Variants in PTPRD observed in about 807,000 individuals in gnomAD.
PTPRD encodes receptor-type tyrosine-protein phosphatase delta.
Under a neutral mutation model 214.5 loss-of-function variants are expected in PTPRD, and 34 were observed. The ratio of observed to expected loss-of-function variants is 0.16; its 90% CI spans 0.12 to 0.21. The LOEUF is 0.21. Among genes scored for constraint, PTPRD ranks in the 10% least tolerant of loss-of-function variants. The pLI is 1.00. For missense variants in PTPRD, 2,545 were observed against 2,398.7 expected, an observed-to-expected ratio of 1.06 and a Z score of -1.27; for synonymous variants, 1,128 against 845.7, an observed-to-expected ratio of 1.33 and a Z score of -5.79.
intron 23 of PTPRD, among the ~76,000 whole-genome samples, chr9:8,503,751 A>T (rs1435846309): frequency 6.6e-6 from 1 of 152,234 alleles, no homozygotes; most frequent in Non-Finnish European, 1.5e-5. Context: ...CAGGTACTAC[A>T]CACAGAGTTA....
In PTPRD at chr9:9,814,741, A is replaced by G. The variant is rs189672400; in HGVS notation, c.-367-47890T>C. On this transcript the variant is annotated intron_variant, in intron 5 of 45. Coordinates refer to ENST00000381196, the MANE Select transcript of PTPRD (RefSeq NM_002839.4). ...CAATAGCATTTTTCACAGAAATAAA[A>G]AATACAATTCTAAAATGTATATGAA... is the stretch of plus-strand genomic sequence containing the variant. Among the ~76,000 whole-genome samples, 16 of 152,242 alleles carry G rather than the reference A, an allele frequency of 1.1e-4. No homozygotes were observed. The East Asian group carries it at 2.9e-3, about 28-fold the overall frequency.
Position 8,492,592 on chromosome 9 carries a change from T to A in PTPRD, c.2467+270A>T, listed in dbSNP as rs184842109. On this transcript the variant is annotated intron_variant, in intron 27 of 45. Transcript: ENST00000381196. ...GCTTCATCCCCAGTGCTGGTAACAG[T>A]GCCTGACACACAGAAGGTGCTCAAA... Among the ~76,000 whole-genome samples, 252 of 141,972 alleles carry A rather than the reference T, an allele frequency of 1.8e-3. 3 individuals carry two copies. The highest frequency in any genetic ancestry group is 6.5e-3 in the African/African-American group (242 of 37,420). 93.1% of individuals were successfully genotyped at this position (141,972 alleles called of 152,430 possible).
intron 44 of PTPRD, among the ~76,000 whole-genome samples, chr9:8,325,988 C>G (rs1410299760): frequency 6.6e-6 from 1 of 152,146 alleles, no homozygotes; most frequent in Non-Finnish European, 1.5e-5. Context: ...ATGGGGTTTT[C>G]TAAATATACA....
intron 2 of PTPRD, among the ~76,000 whole-genome samples, chr9:10,554,165 G>A (rs1262356190): frequency 1.3e-5 from 2 of 152,042 alleles, no homozygotes; most frequent in Admixed American, 1.3e-4. Context: ...AACCCTTTCT[G>A]CATGCCGTTA....
chr9:9,058,482 G>T (rs1293060348), intron 10 of PTPRD, among the ~76,000 whole-genome samples: 1 of 74,312 alleles, frequency 1.3e-5, no homozygotes, highest in Non-Finnish European at 2.9e-5. Context: ...ACGGAGTCTC[G>T]CTGTCGCCCA....
intron 3 of PTPRD, among the ~76,000 whole-genome samples, chr9:10,311,482 C>T (rs1242577504): frequency 1.3e-5 from 2 of 152,118 alleles, no homozygotes; most frequent in Admixed American, 6.6e-5. Context: ...ATTCAGTTCT[C>T]TCATCTACAA....
intron 5 of PTPRD, among the ~76,000 whole-genome samples, chr9:9,894,888 T>G (rs1166702712): frequency 6.6e-6 from 1 of 152,030 alleles, no homozygotes; most frequent in Non-Finnish European, 1.5e-5. Context: ...TGATTTTAAC[T>G]GTAAGAACAA....
intron 14 of PTPRD, among the ~76,000 whole-genome samples, 167 bp from the exon 15 acceptor site, chr9:8,528,946 A>G (rs1390347156): frequency 6.6e-6 from 1 of 152,156 alleles, no homozygotes; most frequent in Non-Finnish European, 1.5e-5. Context: ...ACTGATCAGA[A>G]GAGTAAACAC....
At chr9:9,818,377 A>G (rs552690334) in intron 5 of PTPRD, among the ~76,000 whole-genome samples, 1 of 152,270 alleles carries the variant, frequency 6.6e-6, no homozygotes, top group East Asian at 1.9e-4. Context: ...TCTTCTGCTC[A>G]TTAACCAAGC....
At chr9:8,936,672 C>T (rs1352262339) in intron 11 of PTPRD, among the ~76,000 whole-genome samples, 1 of 152,072 alleles carries the variant, frequency 6.6e-6, no homozygotes, top group Admixed American at 6.6e-5. Context: ...CTTAGTTTGC[C>T]TGTGGTAAAA....
chr9:9,698,206 A>G (rs2097420191), intron 7 of PTPRD, among the ~76,000 whole-genome samples: 1 of 151,952 alleles, frequency 6.6e-6, no homozygotes, highest in South Asian at 2.1e-4. Context: ...TTTCTTGTGG[A>G]GGTACACCTC....
chr9:10,135,507 C>A (rs1479381241), intron 3 of PTPRD, among the ~76,000 whole-genome samples: 1 of 152,166 alleles, frequency 6.6e-6, no homozygotes, highest in African/African-American at 2.4e-5. Context: ...ACAAAGAAAA[C>A]TCCTTCAGGC....
At chr9:10,547,839 T>C (rs1055856269) in intron 2 of PTPRD, among the ~76,000 whole-genome samples, 1 of 152,112 alleles carries the variant, frequency 6.6e-6, no homozygotes, top group South Asian at 2.1e-4. Flanking sequence ...TATTTTATCT[T>C]CCATCTCTTG....
intron 9 of PTPRD, among the ~76,000 whole-genome samples, chr9:9,313,374 C>T (rs1269974370): frequency 2.6e-5 from 4 of 151,944 alleles, no homozygotes; most frequent in Non-Finnish European, 4.4e-5. Flanking sequence ...ACAATTGTAC[C>T]TGAAAAACAG....
intron 2 of PTPRD, among the ~76,000 whole-genome samples, chr9:10,387,861 A>G (rs1310931750): frequency 1.0e-5 from 1 of 100,306 alleles, no homozygotes; most frequent in African/African-American, 4.0e-5. Flanking sequence ...AGGTCTCACT[A>G]TGTTGCTCAG....
chr9:10,344,345 G>A (rs2097020004), intron 2 of PTPRD, among the ~76,000 whole-genome samples: 1 of 152,028 alleles, frequency 6.6e-6, no homozygotes. Flanking sequence ...TTGTAGATGT[G>A]TGGTGTTATT....
intron 8 of PTPRD, among the ~76,000 whole-genome samples, chr9:9,516,134 CCTCT>C (rs1281760335): frequency 6.6e-6 from 1 of 152,062 alleles, no homozygotes; most frequent in Non-Finnish European, 1.5e-5. Context: ...ATTGATTTTT[CCTCT>C]CTGTCTTCTT....
chr9:10,061,220 C>A (rs1211372567), intron 3 of PTPRD, among the ~76,000 whole-genome samples: 5 of 151,920 alleles, frequency 3.3e-5, no homozygotes, highest in Non-Finnish European at 5.9e-5. Context: ...ACAAGTTCAA[C>A]AGCCATAATA....
In PTPRD at chr9:8,317,007, T is replaced by C; in HGVS notation, c.*867A>G. The C allele has an allele frequency of 4.3e-6, 1 of 231,742 alleles. No individual in the cohort carries two copies. Among genetic ancestry groups the C allele is most frequent in the Non-Finnish European group, 8.6e-6 (1 of 116,834 alleles). The allele number at this position is 231,742 out of a possible 1,614,324, so 14.4% of individuals were successfully genotyped here. A position where few individuals can be genotyped will look rare whatever the true frequency, so the allele number is the denominator to read the frequency against. On this transcript the variant is annotated 3_prime_UTR_variant, in exon 46 of 46. Coordinates refer to ENST00000381196, the MANE Select transcript of PTPRD (RefSeq NM_002839.4). ...TATATGTTAGCAGCAACTTTATACT[T>C]TGCGCCTCCCTGTTGATTCCAAAAA...
Sources: allele counts gnomAD v4.1 joint callset (sites outside exome capture counted in the v4.1 genomes callset), GRCh38; gene constraint gnomAD v4.1.1; transcripts MANE v1.5; gene names NCBI Gene and HGNC (gene_info 2026-07-23, HGNC 2026-07-21).